UNC13B: variants seen among roughly 807,000 people sequenced by gnomAD.
UNC13B encodes the protein protein unc-13 homolog B.
A neutral mutation model predicts 211.0 loss-of-function variants in UNC13B; 144 were observed. The ratio of observed to expected loss-of-function variants is 0.68; its 90% CI spans 0.60 to 0.78. UNC13B has a LOEUF of 0.78. Ranked by LOEUF, UNC13B falls within the 30% of genes least tolerant of loss-of-function variation. The probability of loss-of-function intolerance (pLI) is 0.00; values close to 1 mark genes in which losing one functional copy is unlikely to be tolerated. For missense variants in UNC13B, 1,777 were observed against 2,002.0 expected (o/e 0.89, Z 2.14); for synonymous variants, 709 against 725.8 (o/e 0.98, Z 0.37).
intron 26 of UNC13B, among the ~76,000 whole-genome samples, chr9:35,393,567 T>G (rs1835676154): frequency 6.8e-6 from 1 of 146,300 alleles, no homozygotes; most frequent in Admixed American, 6.8e-5. Context: ...GCTTTTGGAC[T>G]CTCTCTCTTT....
At chr9:35,396,372 A>C in intron 26 of UNC13B, 104 bp from the exon 27 acceptor site, 1 of 1,463,718 alleles carries the variant, frequency 6.8e-7, no homozygotes, top group African/African-American at 1.4e-5. Context: ...CCTTGTCCTA[A>C]GACATCTGAT....
chr9:35,263,113 A>G (rs1827374785), intron 7 of UNC13B, among the ~76,000 whole-genome samples: 1 of 152,190 alleles, frequency 6.6e-6, no homozygotes, highest in Admixed American at 6.5e-5. Flanking sequence ...GTCTTTGAAT[A>G]GGAATAGGCT....
chr9:35,358,790 T>C (rs1833206773), intron 11 of UNC13B, among the ~76,000 whole-genome samples: 1 of 150,910 alleles, frequency 6.6e-6, no homozygotes, highest in African/African-American at 2.4e-5. Flanking sequence ...GCCTCCTGAG[T>C]TCGAGCAATT....
chr9:35,174,953 A>T (rs2131274845), intron 1 of UNC13B, among the ~76,000 whole-genome samples: 1 of 151,958 alleles, frequency 6.6e-6, no homozygotes, highest in Non-Finnish European at 1.5e-5. Context: ...GATTACAGGC[A>T]TGAGCCACCG....
Position 35,307,241 on chromosome 9 carries a change from T to C in UNC13B, c.7837T>C (p.Ser2613Pro), listed in dbSNP as rs1468133782. 2 of 398,774 alleles carry C rather than the reference T, an allele frequency of 5.0e-6. No individual in the cohort carries two copies. The highest frequency in any genetic ancestry group is 4.1e-5 in the African/African-American group (2 of 48,610). The allele number at this position is 398,774 out of a possible 1,614,324, so 24.7% of individuals were successfully genotyped here. Residue 2613 changes from serine to proline, a missense_variant, in exon 9 of 40, where the codon TCT becomes CCT. Transcript: ENST00000635942. ...ACGTTCTGAAACAATTAATACATCTTCTTTCTCGGGTGATGATACTGGGCA... is the reference window on the plus strand; with the variant it reads ...ACGTTCTGAAACAATTAATACATCTCCTTTCTCGGGTGATGATACTGGGCA... ...PQRSETINTS[S>P]FSGDDTGQGV...
At position 35,162,279 on chromosome 9, in the gene UNC13B, C is replaced by T; in HGVS notation, c.-5C>T. The stretch of plus-strand genomic sequence containing the variant: ...GCGCGGCAGAGGCTTGCCCGATCCT[C>T]GGCCATGTCACTGCTCTGCGTGCGC... On this transcript the variant is annotated 5_prime_UTR_variant, in exon 1 of 40. Transcript: ENST00000635942. 1 of 1,541,412 alleles carries T rather than the reference C, an allele frequency of 6.5e-7. No homozygotes were observed. Among genetic ancestry groups the T allele is most frequent in the East Asian group, 2.5e-5 (1 of 40,804 alleles).
chr9:35,400,735 G>A (rs577444759), intron 37 of UNC13B, among the ~76,000 whole-genome samples: 5 of 152,308 alleles, frequency 3.3e-5, no homozygotes, highest in South Asian at 2.1e-4. Flanking sequence ...ACTGGTAAGC[G>A]GCAAGAATGA....
At chr9:35,208,713 G>C (rs1372657829) in intron 1 of UNC13B, among the ~76,000 whole-genome samples, 3 of 152,112 alleles carry the variant, frequency 2.0e-5, no homozygotes, top group African/African-American at 7.2e-5. Flanking sequence ...GGTGCTAAAG[G>C]CTAAAGCTTT....
chr9:35,399,508 G>C, intron 35 of UNC13B, 60 bp downstream of exon 35: 1 of 1,611,570 alleles, frequency 6.2e-7, no homozygotes, highest in South Asian at 1.1e-5. Context: ...TGGAGAGAGG[G>C]TGGCTGCGGG....
intron 7 of UNC13B, among the ~76,000 whole-genome samples, chr9:35,263,915 T>C (rs914670095): frequency 7.2e-5 from 11 of 152,176 alleles, no homozygotes; most frequent in African/African-American, 2.7e-4. Context: ...ATCTTGGACT[T>C]TCTAGCCTCC....
chr9:35,279,456 T>C (rs866874715), intron 7 of UNC13B, among the ~76,000 whole-genome samples: 2 of 151,604 alleles, frequency 1.3e-5, no homozygotes, highest in African/African-American at 4.8e-5. Context: ...ATGAAATATG[T>C]TTTTTTTTAA....
intron 6 of UNC13B, among the ~76,000 whole-genome samples, chr9:35,248,259 G>A (rs1195499337): frequency 1.2e-4 from 18 of 151,720 alleles, no homozygotes; most frequent in Admixed American, 6.6e-5. Context: ...TTCTTTATTA[G>A]TCTTGCTAGC....
intron 21 of UNC13B, among the ~76,000 whole-genome samples, chr9:35,382,712 G>A (rs565782285): frequency 1.3e-5 from 2 of 151,996 alleles, no homozygotes; most frequent in South Asian, 2.1e-4. Flanking sequence ...ACAGGCACCC[G>A]CCACCACGCC....
rs556414980 is a variant in UNC13B at position 35,187,643 on chromosome 9, G to A, written c.22+25338G>A. On this transcript the variant is annotated intron_variant, in intron 1 of 39. Transcript: ENST00000635942. ...ATTTCTACATAGGCCTTTTGAATTGGCTTTGATGGAACTCTGATCCACAAG... is the reference window on the plus strand; with the variant it reads ...ATTTCTACATAGGCCTTTTGAATTGACTTTGATGGAACTCTGATCCACAAG... 2.7e-4 allele frequency among the ~76,000 whole-genome samples: 41 copies of A among 152,288 alleles called. 1 individual carries two copies. The highest frequency in any genetic ancestry group is 2.3e-3 in the Admixed American group (35 of 15,294).
At chr9:35,225,005 T>G (rs1376641739) in intron 1 of UNC13B, among the ~76,000 whole-genome samples, 1 of 151,086 alleles carries the variant, frequency 6.6e-6, no homozygotes, top group Non-Finnish European at 1.5e-5. Context: ...AAAAAAAAAC[T>G]CTCAAAAAAT....
chr9:35,400,595 G>C (rs984408367), intron 37 of UNC13B, 152 bp downstream of exon 37: 9 of 869,696 alleles, frequency 1.0e-5, no homozygotes, highest in Non-Finnish European at 1.5e-5. Context: ...TGGGACCTCA[G>C]TACTTACCTC....
intron 11 of UNC13B, chr9:35,353,613 G>T: frequency 8.1e-7 from 1 of 1,232,174 alleles, no homozygotes. Context: ...TGTCTGGGAA[G>T]TGAGACTTGT....
chr9:35,172,180 G>GTT (rs561216101), intron 1 of UNC13B, among the ~76,000 whole-genome samples: 1 of 141,422 alleles, frequency 7.1e-6, no homozygotes, highest in Non-Finnish European at 1.6e-5. Flanking sequence ...TGGCCCCTTT[G>GTT]TTTTTTTTTT....
Position 35,288,947 on chromosome 9 carries a change from A to G in UNC13B, c.527-6749A>G, listed in dbSNP as rs1023569983. Among the ~76,000 whole-genome samples the G allele has an allele frequency of 2.0e-5, 3 of 151,788 alleles. No individual in the cohort carries two copies. In the East Asian group the frequency reaches 5.8e-4, roughly 29 times the overall value. The stretch of plus-strand genomic sequence containing the variant: ...GATTTTTTTTTTCCATTTTCTTTTT[A>G]AAAGAAATGAAGTAATTACCCTCTA... On this transcript the variant is annotated intron_variant, in intron 7 of 39. Transcript: ENST00000635942.
Sources: gnomAD v4.1 joint callset for allele counts (sites outside exome capture counted in the v4.1 genomes callset) on GRCh38, gnomAD v4.1.1 for gene constraint, MANE v1.5 for transcripts, NCBI Gene and HGNC (gene_info 2026-07-23, HGNC 2026-07-21) for gene names.